TMC1: variants seen among roughly 807,000 people sequenced by gnomAD.
TMC1 encodes transmembrane channel-like protein 1.
A neutral mutation model predicts 105.8 loss-of-function variants in TMC1; 84 were observed. The ratio of observed to expected loss-of-function variants is 0.79; its 90% CI spans 0.67 to 0.95. The LOEUF is 0.95. TMC1 is among the 40% of genes least tolerant of loss of function. TMC1 has a pLI of 0.00. For missense variants in TMC1, 817 were observed against 914.1 expected (o/e 0.89, Z 1.37); for synonymous variants, 315 against 311.5 (o/e 1.01, Z -0.12).
intron 5 of TMC1, among the ~76,000 whole-genome samples, chr9:72,677,890 C>T (rs931789031): frequency 6.6e-6 from 1 of 152,016 alleles, no homozygotes; most frequent in Non-Finnish European, 1.5e-5. Flanking sequence ...TGGTGTTTAG[C>T]CTGATGAATA....
chr9:72,577,429 A>G (rs1161544365), intron 1 of TMC1, among the ~76,000 whole-genome samples: 1 of 152,208 alleles, frequency 6.6e-6, no homozygotes. Flanking sequence ...ATGATTGTGT[A>G]AAAGAGAGAC....
chr9:72,824,800 C>T (rs1047768700), intron 20 of TMC1, among the ~76,000 whole-genome samples: 5 of 152,158 alleles, frequency 3.3e-5, no homozygotes, highest in African/African-American at 9.7e-5. Context: ...GAGGAAAGTG[C>T]GCCAAACAGG....
chr9:72,650,891 G>GAT (rs71495329), intron 5 of TMC1, among the ~76,000 whole-genome samples: 5,982 of 117,736 alleles, frequency 0.051, 328 homozygotes, highest in Middle Eastern at 0.076. Context: ...TAGATATATA[G>GAT]ATATATATAT....
chr9:72,658,170 A>C (rs760454763), intron 5 of TMC1, among the ~76,000 whole-genome samples: 7 of 152,174 alleles, frequency 4.6e-5, no homozygotes, highest in Admixed American at 1.3e-4. Flanking sequence ...AGAAGCTCAT[A>C]ATCTATTTGG....
At chr9:72,721,178 A>G (rs1827017800) in intron 8 of TMC1, among the ~76,000 whole-genome samples, 1 of 152,184 alleles carries the variant, frequency 6.6e-6, no homozygotes, top group African/African-American at 2.4e-5. Flanking sequence ...TGCCTCTTCT[A>G]TTTGCCTAAA....
intron 8 of TMC1, among the ~76,000 whole-genome samples, chr9:72,736,428 A>G (rs975019718): frequency 6.6e-6 from 1 of 152,228 alleles, no homozygotes; most frequent in African/African-American, 2.4e-5. Flanking sequence ...AAAATTAAAA[A>G]TCTTGGTAGA....
intron 18 of TMC1, among the ~76,000 whole-genome samples, chr9:72,806,296 G>A (rs1828581160): frequency 6.7e-6 from 1 of 149,924 alleles, no homozygotes; most frequent in Non-Finnish European, 1.5e-5. Flanking sequence ...AGTAGGGGCA[G>A]CCGGGCAGAG....
intron 1 of TMC1, among the ~76,000 whole-genome samples, chr9:72,531,405 G>T (rs1823496131): frequency 6.6e-6 from 1 of 152,076 alleles, no homozygotes; most frequent in African/African-American, 2.4e-5. Flanking sequence ...CTGGTGTTTT[G>T]TTCACCAAAA....
At chr9:72,779,883 G>A (rs1362844469) in intron 13 of TMC1, among the ~76,000 whole-genome samples, 1 of 152,106 alleles carries the variant, frequency 6.6e-6, no homozygotes, top group African/African-American at 2.4e-5. Context: ...CACTAGAGAG[G>A]TCAACATTCA....
intron 17 of TMC1, among the ~76,000 whole-genome samples, chr9:72,794,398 C>T (rs1188095881): frequency 6.6e-6 from 1 of 152,146 alleles, no homozygotes; most frequent in Non-Finnish European, 1.5e-5. Flanking sequence ...GGGAACATGG[C>T]TGCAACTGTG....
intron 5 of TMC1, among the ~76,000 whole-genome samples, chr9:72,669,073 G>C (rs1191544616): frequency 6.6e-6 from 1 of 152,192 alleles, no homozygotes; most frequent in East Asian, 1.9e-4. Flanking sequence ...GGGAGGCTGA[G>C]GTGGGGCAGA....
chr9:72,723,290 C>A (rs12342563), intron 8 of TMC1, among the ~76,000 whole-genome samples: 30,145 of 151,986 alleles, frequency 0.2, 3,435 homozygotes, highest in African/African-American at 0.3. Flanking sequence ...GTTTTTCTTT[C>A]ATCTTCTCCT....
chr9:72,823,169 G>A (rs1238966968), intron 20 of TMC1, among the ~76,000 whole-genome samples: 1 of 152,044 alleles, frequency 6.6e-6, no homozygotes, highest in East Asian at 1.9e-4. Flanking sequence ...TTATCTCTAT[G>A]CTATTTAGAT....
At chr9:72,835,915 G>GT (rs754537281) in intron 23 of TMC1, 36 bp from the exon 24 acceptor site, 245,219 of 1,283,140 alleles carry the variant, frequency 0.19, 1,516 homozygotes, top group East Asian at 0.22. Flanking sequence ...CTCTCTCCTT[G>GT]TTTTTTTTTT....
intron 2 of TMC1, among the ~76,000 whole-genome samples, chr9:72,608,117 T>A (rs557057364): frequency 6.6e-6 from 1 of 152,210 alleles, no homozygotes; most frequent in African/African-American, 2.4e-5. Context: ...GTATTTCAGA[T>A]CTGCTTTTTT....
chr9:72,695,678 T>C (rs1221968285), intron 7 of TMC1, among the ~76,000 whole-genome samples: 4 of 152,188 alleles, frequency 2.6e-5, no homozygotes, highest in Non-Finnish European at 5.9e-5. Flanking sequence ...TTATTCCTTA[T>C]AAATGATTGT....
At chr9:72,614,820 A>G (rs1434213654) in intron 2 of TMC1, among the ~76,000 whole-genome samples, 2 of 152,048 alleles carry the variant, frequency 1.3e-5, no homozygotes, top group African/African-American at 4.8e-5. Flanking sequence ...AGCTGGGATT[A>G]CAGTGCCTGC....
At chr9:72,532,150 T>G (rs1366044091) in intron 1 of TMC1, among the ~76,000 whole-genome samples, 4 of 151,968 alleles carry the variant, frequency 2.6e-5, no homozygotes, top group African/African-American at 4.8e-5. Flanking sequence ...AGGCTGATCT[T>G]GAACTCCTAA....
At chr9:72,719,924 C>G (rs1826993130) in intron 8 of TMC1, among the ~76,000 whole-genome samples, 1 of 152,174 alleles carries the variant, frequency 6.6e-6, no homozygotes, top group African/African-American at 2.4e-5. Flanking sequence ...TTTATAAGTT[C>G]ATACCAGGTG....
Sources: allele counts gnomAD v4.1 joint callset (sites outside exome capture counted in the v4.1 genomes callset), GRCh38; gene constraint gnomAD v4.1.1; transcripts MANE v1.5; gene names NCBI Gene and HGNC (gene_info 2026-07-23, HGNC 2026-07-21).